The following CSNK2A2IP variants were observed in gnomAD, a reference collection of about 807,000 sequenced individuals.
CSNK2A2IP encodes casein kinase 2 subunit alpha' interacting protein.
At chr3:88,359,039 C>T in the CSNK2A2IP span, among the ~76,000 whole-genome samples, 1 of 147,984 alleles carries the variant, frequency 6.8e-6, no homozygotes. Context: ...TACGCGTGCT[C>T]TTTTTTTTTG....
chr3:88,338,501 G>A, the CSNK2A2IP span: 2 of 152,058 alleles, frequency 1.3e-5, no homozygotes, highest in African/African-American at 4.8e-5. Context: ...GACTATTAAG[G>A]CTCTCATGTC....
the CSNK2A2IP span, among the ~76,000 whole-genome samples, chr3:88,366,780 C>A: frequency 6.6e-6 from 1 of 152,016 alleles, no homozygotes; most frequent in Non-Finnish European, 1.5e-5. Flanking sequence ...TTTCACACTG[C>A]TGAAAAAGAC....
chr3:88,398,435 C>T, the CSNK2A2IP span, among the ~76,000 whole-genome samples: 4 of 152,012 alleles, frequency 2.6e-5, no homozygotes, highest in East Asian at 1.9e-4. Context: ...CTAATATGAA[C>T]GCAAAAACTT....
chr3:88,411,656 G>A, the CSNK2A2IP span, among the ~76,000 whole-genome samples: 1 of 151,596 alleles, frequency 6.6e-6, no homozygotes, highest in Non-Finnish European at 1.5e-5. Context: ...TTTTAAGTTT[G>A]TTTGAAACAA....
chr3:88,354,582 A>G, the CSNK2A2IP span, among the ~76,000 whole-genome samples: 1 of 152,194 alleles, frequency 6.6e-6, no homozygotes, highest in East Asian at 1.9e-4. Flanking sequence ...TGATGAGTGA[A>G]GCTGGAAAAG....
chr3:88,383,807 G>T, the CSNK2A2IP span, among the ~76,000 whole-genome samples: 51 of 151,878 alleles, frequency 3.4e-4, no homozygotes, highest in Admixed American at 3.3e-3. Flanking sequence ...GGGACTACAG[G>T]TGCCCGCCAC....
chr3:88,449,874 T>TAGAGAGAGAG, the CSNK2A2IP span, among the ~76,000 whole-genome samples: 27 of 70,076 alleles, frequency 3.9e-4, no homozygotes, highest in South Asian at 2.0e-3. Context: ...TATATATATA[T>TAGAGAGAGAG]AGAGAGAGAG....
the CSNK2A2IP span, among the ~76,000 whole-genome samples, chr3:88,385,198 C>G: frequency 6.6e-6 from 1 of 151,928 alleles, no homozygotes; most frequent in African/African-American, 2.4e-5. Flanking sequence ...GGTCGCAGGC[C>G]GAATAGTTAG....
At chr3:88,411,685 C>A in the CSNK2A2IP span, among the ~76,000 whole-genome samples, 1 of 151,682 alleles carries the variant, frequency 6.6e-6, no homozygotes, top group East Asian at 1.9e-4. Flanking sequence ...TGGGTATCTA[C>A]TTTTTCAGTG....
chr3:88,417,695 A>G, the CSNK2A2IP span, among the ~76,000 whole-genome samples: 530 of 152,220 alleles, frequency 3.5e-3, 2 homozygotes, highest in African/African-American at 0.012. Flanking sequence ...TTGATTGCAA[A>G]TTTGCTTCTA....
chr3:88,405,716 T>A, the CSNK2A2IP span, among the ~76,000 whole-genome samples: 1 of 152,326 alleles, frequency 6.6e-6, no homozygotes, highest in East Asian at 1.9e-4. Flanking sequence ...TGTCGTATAT[T>A]TCCTGTTGGA....
the CSNK2A2IP span, among the ~76,000 whole-genome samples, chr3:88,394,660 C>T: frequency 6.6e-6 from 1 of 152,254 alleles, no homozygotes; most frequent in Non-Finnish European, 1.5e-5. Context: ...AGGCCTGAGC[C>T]AGCACACACA....
chr3:88,438,422 G>A, the CSNK2A2IP span, among the ~76,000 whole-genome samples: 212 of 152,192 alleles, frequency 1.4e-3, 2 homozygotes, highest in South Asian at 7.1e-3. Context: ...TCCCTGAGGT[G>A]GGTCACATTT....
the CSNK2A2IP span, among the ~76,000 whole-genome samples, chr3:88,417,103 ATT>A: frequency 1.3e-5 from 2 of 149,616 alleles, no homozygotes. Context: ...GATAACATGA[ATT>A]TTTTTTTTTT....
the CSNK2A2IP span, among the ~76,000 whole-genome samples, chr3:88,416,026 T>C: frequency 6.6e-6 from 1 of 151,844 alleles, no homozygotes; most frequent in Non-Finnish European, 1.5e-5. Context: ...ATCCCAGCAC[T>C]TTGGGAGGCC....
At chr3:88,388,338 G>A in the CSNK2A2IP span, among the ~76,000 whole-genome samples, 1 of 152,062 alleles carries the variant, frequency 6.6e-6, no homozygotes, top group Non-Finnish European at 1.5e-5. Context: ...ATGTTAATTA[G>A]ACTATATTGA....
chr3:88,345,317 A>C, the CSNK2A2IP span, among the ~76,000 whole-genome samples: 1 of 152,014 alleles, frequency 6.6e-6, no homozygotes, highest in South Asian at 2.1e-4. Flanking sequence ...TCATTCTAAA[A>C]TCACAGGGTT....
chr3:88,464,556 G>T, the CSNK2A2IP span, among the ~76,000 whole-genome samples: 1 of 151,914 alleles, frequency 6.6e-6, no homozygotes, highest in Non-Finnish European at 1.5e-5. Flanking sequence ...GCTTTAAAAG[G>T]GTATAGTCAA....
At chr3:88,451,625 T>C in the CSNK2A2IP span, among the ~76,000 whole-genome samples, 1 of 151,942 alleles carries the variant, frequency 6.6e-6, no homozygotes, top group Admixed American at 6.6e-5. Flanking sequence ...CTTTTGTTGT[T>C]CCTGTATTGT....
Sources: allele counts gnomAD v4.1 joint callset (sites outside exome capture counted in the v4.1 genomes callset), GRCh38; gene constraint gnomAD v4.1.1; transcripts MANE v1.5; gene names NCBI Gene and HGNC (gene_info 2026-07-23, HGNC 2026-07-21).